The following CUL4B variants were observed in gnomAD, a reference collection of about 807,000 sequenced individuals.
CUL4B encodes cullin-4B.
CUL4B carries 1 observed loss-of-function variant against 69.2 expected under a neutral mutation model. The ratio of observed to expected loss-of-function variants is 0.01; its 90% CI spans 0.01 to 0.07. The LOEUF (loss-of-function observed/expected upper bound fraction) is 0.07. CUL4B is among the 10% of genes least tolerant of loss of function. CUL4B has a pLI of 1.00. For synonymous variants in CUL4B, 237 were observed against 223.2 expected, an observed-to-expected ratio of 1.06 and a Z score of -0.55; for missense variants, 328 against 638.8, an observed-to-expected ratio of 0.51 and a Z score of 5.24.
Position 120,560,611 on chromosome X carries a change from TG to T in CUL4B, c.27del (p.Ser10ValfsTer32). Reference protein sequence around the residue: MFPTGFSSPSPSAAAAAQE... With the variant: MFPTGFSSXSPSAAAAAQE... ...TGAGCAGCAGCAGCAGCTGAGGGAC[TG>T]GGGGAAGAAAAACCTGTTGGAAACA... On this transcript the variant is annotated frameshift_variant, in exon 1 of 20. Transcript: ENST00000371322. LOFTEE classifies it high-confidence loss of function. The T allele has an allele frequency of 8.3e-7, 1 of 1,205,287 alleles. No homozygotes were observed.
At position 120,528,616 on chromosome X, in the gene CUL4B, G is replaced by C. The variant is rs755967424; in HGVS notation, c.2592+1486C>G. Among the ~76,000 whole-genome samples, 19 of 109,851 alleles carry C rather than the reference G, an allele frequency of 1.7e-4. No individual in the cohort carries two copies. The East Asian group carries it at 3.7e-3, about 21-fold the overall frequency. ...CGCACCTGTGGTCCCAGCTACTCGA[G>C]AGGCTGAGGCAAAAGAATTGCTTGA... On this transcript the variant is annotated intron_variant, in intron 19 of 19. Coordinates refer to ENST00000371322, the MANE Select transcript of CUL4B (RefSeq NM_001079872.2).
chrX:120,560,888 A>G lies in CUL4B; in HGVS notation c.-250T>C, dbSNP rs2147350992. 3 of 749,335 alleles carry G rather than the reference A, an allele frequency of 4.0e-6. No homozygotes were observed. Among genetic ancestry groups the G allele is most frequent in the South Asian group, 1.4e-4 (2 of 14,409 alleles). 61.8% of individuals were successfully genotyped at this position (749,335 alleles called of 1,213,427 possible). On this transcript the variant is annotated 5_prime_UTR_variant, in exon 1 of 20. Transcript: ENST00000371322. ...GAGCGAATGAGGAGGCAGACAGGTA[A>G]ACGGCCGTGCCGTCCCCCTCCCCTG...
intron 19 of CUL4B, among the ~76,000 whole-genome samples, chrX:120,528,656 C>T (rs1006165594): frequency 2.7e-5 from 3 of 109,908 alleles, no homozygotes; most frequent in Non-Finnish European, 5.7e-5. Flanking sequence ...GGGAGGCAGA[C>T]GCTGCAGTGA....
At chrX:120,546,785 AC>A (rs1924364362) in intron 3 of CUL4B, among the ~76,000 whole-genome samples, 169 bp from the exon 4 acceptor site, 1 of 112,137 alleles carries the variant, frequency 8.9e-6, no homozygotes, top group Admixed American at 9.5e-5. Flanking sequence ...GAAAAAAAAA[AC>A]ATAGTTTATA....
intron 1 of CUL4B, 163 bp downstream of exon 1, chrX:120,559,920 A>C: frequency 8.8e-7 from 1 of 1,139,685 alleles, no homozygotes; most frequent in Non-Finnish European, 1.2e-6. Flanking sequence ...CCACCCCCGG[A>C]AAATGAACCC....
intron 16 of CUL4B, among the ~76,000 whole-genome samples, chrX:120,534,877 T>C (rs748174699): frequency 3.7e-4 from 41 of 111,845 alleles, no homozygotes; most frequent in African/African-American, 1.1e-3. Context: ...TAGATATTCA[T>C]CACAAGCAGC....
intron 14 of CUL4B, 57 bp from the exon 15 acceptor site, chrX:120,537,091 T>C: frequency 1.2e-6 from 1 of 846,445 alleles, no homozygotes; most frequent in Non-Finnish European, 1.8e-6. Flanking sequence ...TTTCATATCA[T>C]AATAACCTAT....
chrX:120,556,977 T>A (rs1925013526), intron 2 of CUL4B, among the ~76,000 whole-genome samples: 1 of 108,366 alleles, frequency 9.2e-6, no homozygotes, highest in African/African-American at 3.4e-5. Context: ...AATGGTGCAA[T>A]CTCGGCTCAC....
chrX:120,539,219 T>C (rs762873446), intron 12 of CUL4B, 49 bp downstream of exon 12: 1 of 690,865 alleles, frequency 1.4e-6, no homozygotes, highest in Non-Finnish European at 2.2e-6. Context: ...AGCTTCTCTG[T>C]TGAGTGCTAT....
intron 2 of CUL4B, among the ~76,000 whole-genome samples, chrX:120,574,160 G>A (rs1050032173): frequency 9.5e-6 from 1 of 105,164 alleles, no homozygotes; most frequent in African/African-American, 3.5e-5. Context: ...ACCGCACCCG[G>A]CCCTGAGGTA....
chrX:120,534,978 T>A (rs1475587779), intron 16 of CUL4B, among the ~76,000 whole-genome samples: 2 of 112,116 alleles, frequency 1.8e-5, no homozygotes, highest in Admixed American at 1.9e-4. Context: ...TATTGCACAC[T>A]GTTTCCCTTA....
intron 2 of CUL4B, among the ~76,000 whole-genome samples, chrX:120,572,658 T>A (rs1925749446): frequency 9.0e-6 from 1 of 110,655 alleles, no homozygotes; most frequent in Non-Finnish European, 1.9e-5. Context: ...TTGCTTTTTT[T>A]AAAAAAAGGA....
At position 120,552,282 on chromosome X, in the gene CUL4B, G is replaced by A. The variant is rs149798485; in HGVS notation, c.673-5043C>T. Among the ~76,000 whole-genome samples the A allele has an allele frequency of 9.8e-3, 1,091 of 111,251 alleles. 11 individuals are homozygous for A. Among genetic ancestry groups the A allele is most frequent in the African/African-American group, 0.031 (957 of 30,658 alleles). On this transcript the variant is annotated intron_variant, in intron 2 of 19. Coordinates refer to ENST00000371322, the MANE Select transcript of CUL4B (RefSeq NM_001079872.2). ...CATGCCTTAGCCTTCCCAGTAGCTC[G>A]GATTACAGACACGTGCCACCACACC...
At chrX:120,569,353 G>C (rs1357420022), downstream of CUL4B, among the ~76,000 whole-genome samples, 1 of 110,090 alleles carries the variant, frequency 9.1e-6, no homozygotes, top group African/African-American at 3.3e-5. Context: ...CTCACCTTAG[G>C]GAAGTTTCTT....
intron 2 of CUL4B, among the ~76,000 whole-genome samples, chrX:120,554,843 A>G (rs1924877180): frequency 8.9e-6 from 1 of 112,047 alleles, no homozygotes; most frequent in African/African-American, 3.2e-5. Context: ...AGTACTTCTA[A>G]TTACGTTTCA....
In CUL4B at chrX:120,558,091, C is replaced by T. The variant is rs772156133; in HGVS notation, c.557-52G>A. The T allele has an allele frequency of 2.8e-6, 2 of 726,917 alleles. 1 individual carries two copies. The highest frequency in any genetic ancestry group is 4.4e-5 in the South Asian group (2 of 45,344). The allele number at this position is 726,917 out of a possible 1,213,427, so 59.9% of individuals were successfully genotyped here. ...CAGAATACCATGTCAGATACAGTAA[C>T]CAAAGATTCATAAAATATAATAGCA... On this transcript the variant is annotated intron_variant, in intron 1 of 19. Transcript: ENST00000371322.
chrX:120,549,318 C>A (rs888942917), intron 2 of CUL4B, among the ~76,000 whole-genome samples: 2 of 112,112 alleles, frequency 1.8e-5, no homozygotes, highest in Non-Finnish European at 3.8e-5. Context: ...CTTTGGGAGG[C>A]CGAGGCGGGC....
intron 2 of CUL4B, among the ~76,000 whole-genome samples, chrX:120,551,229 T>TG (rs1924668275): frequency 9.0e-6 from 1 of 110,734 alleles, no homozygotes; most frequent in Admixed American, 9.7e-5. Flanking sequence ...TTTTTTTAGA[T>TG]GGAGTCTTGC....
chrX:120,571,475 A>C (rs989702213), exon 3 of CUL4B: 2 of 111,270 alleles, frequency 1.8e-5, no homozygotes, highest in Non-Finnish European at 3.8e-5. Context: ...CGGGGGATGC[A>C]CCCTCCAACC....
Sources: allele counts gnomAD v4.1 joint callset (sites outside exome capture counted in the v4.1 genomes callset), GRCh38; gene constraint gnomAD v4.1.1; transcripts MANE v1.5; gene names NCBI Gene and HGNC (gene_info 2026-07-23, HGNC 2026-07-21).